The following RPL10A variants were observed in gnomAD, a reference collection of about 807,000 sequenced individuals.
The protein encoded by RPL10A is large ribosomal subunit protein uL1.
Under a neutral mutation model 24.6 loss-of-function variants are expected in RPL10A, and 11 were observed. That is an observed-to-expected ratio of 0.45 (90% confidence interval 0.28 to 0.74). The LOEUF (loss-of-function observed/expected upper bound fraction) is 0.74, where lower values mean the gene tolerates loss of function less well. Among genes scored for constraint, RPL10A ranks in the 30% least tolerant of loss-of-function variants. RPL10A has a pLI of 0.13. For missense variants in RPL10A, 136 were observed against 273.1 expected (o/e 0.50, Z 3.54); for synonymous variants, 98 against 108.5 (o/e 0.90, Z 0.60).
chr6:35,470,194 C>G lies in RPL10A; in HGVS notation c.326C>G (p.Ala109Gly). Residue 109 changes from alanine to glycine, a missense_variant, in exon 5 of 6, where the codon GCG becomes GGG. Ala to Gly is a moderately conservative substitution (Grantham distance 60). Around this residue, in one of 3 missense-constraint regions of RPL10A, gnomAD observed 88 missense variants for 149.2 expected, o/e 0.59. Transcript: ENST00000322203. The surrounding 1 kb of genome is among the most constrained non-coding windows in gnomAD (Gnocchi z 4.6). ...TCTCTATCAGCCAAGAAGTATGATGCGTTTTTGGCCTCAGAGTCTCTGATC... is the reference window on the plus strand; with the variant it reads ...TCTCTATCAGCCAAGAAGTATGATGGGTTTTTGGCCTCAGAGTCTCTGATC... ...LVKKLAKKYD[A>G]FLASESLIKQ... 1.2e-6 allele frequency: 2 copies of G among 1,613,138 alleles called. No individual in the cohort carries two copies. The highest frequency in any genetic ancestry group is 1.7e-6 in the Non-Finnish European group (2 of 1,179,538).
At chr6:35,468,919 G>A (rs777519797) in intron 2 of RPL10A, 28 bp from the exon 3 acceptor site, 1 of 1,613,770 alleles carries the variant, frequency 6.2e-7, no homozygotes, top group Non-Finnish European at 8.5e-7. Context: ...AGGGCCGGCG[G>A]GTGCTTAACC....
chr6:35,468,537 CA>C, intron 1 of RPL10A, 98 bp downstream of exon 1: 4 of 1,608,784 alleles, frequency 2.5e-6, no homozygotes, highest in Non-Finnish European at 3.4e-6. Flanking sequence ...ACCCTTGCGC[CA>C]CCTGCGCCGC....
At chr6:35,469,582 A>G (rs1379876696) in intron 4 of RPL10A, 53 bp downstream of exon 4, 3 of 1,564,362 alleles carry the variant, frequency 1.9e-6, no homozygotes, top group Non-Finnish European at 2.6e-6. Flanking sequence ...GGGGCGGTAG[A>G]AAGGCTTTTC....
At chr6:35,469,886 A>G (rs897475539) in intron 4 of RPL10A, among the ~76,000 whole-genome samples, 2 of 152,150 alleles carry the variant, frequency 1.3e-5, no homozygotes, top group African/African-American at 4.8e-5. Flanking sequence ...GCTAAGAAAT[A>G]GGCAGAATTC....
At chr6:35,469,128 T>C in intron 3 of RPL10A, 101 bp downstream of exon 3, 2 of 1,547,988 alleles carry the variant, frequency 1.3e-6, no homozygotes, top group Non-Finnish European at 1.7e-6. Flanking sequence ...GGTACTGATG[T>C]GCTAGGGTAG....
intron 4 of RPL10A, 118 bp downstream of exon 4, chr6:35,469,647 TGGTTGCCTA>T: frequency 8.1e-7 from 1 of 1,233,860 alleles, no homozygotes; most frequent in Non-Finnish European, 1.1e-6. Flanking sequence ...GGATCGGCGG[TGGTTGCCTA>T]GCTTGCCTGA....
Position 35,470,215 on chromosome 6 carries a change from T to C in RPL10A, c.347T>C (p.Leu116Pro). Residue 116 changes from leucine to proline, a missense_variant, in exon 5 of 6, where the codon CTG (leucine) becomes CCG (proline). By Grantham distance (98) the Leu-to-Pro change is moderately conservative (BLOSUM62 -3). Transcript: ENST00000322203. The surrounding 1 kb of genome is among the most constrained non-coding windows in gnomAD (Gnocchi z 4.6). ...KYDAFLASES[L>P]IKQIPRILGP... Reference sequence around the variant, plus strand: ...GATGCGTTTTTGGCCTCAGAGTCTCTGATCAAGCAGATTCCACGAATCCTC... The same window carrying C: ...GATGCGTTTTTGGCCTCAGAGTCTCCGATCAAGCAGATTCCACGAATCCTC... 1 of 1,613,484 alleles carries C rather than the reference T, an allele frequency of 6.2e-7. No individual in the cohort carries two copies. The highest frequency in any genetic ancestry group is 8.5e-7 in the Non-Finnish European group (1 of 1,179,842).
At chr6:35,469,978 A>G (rs1379723256) in intron 4 of RPL10A, among the ~76,000 whole-genome samples, 2 of 152,108 alleles carry the variant, frequency 1.3e-5, no homozygotes, top group Non-Finnish European at 2.9e-5. Flanking sequence ...TTCTGAGAGC[A>G]TGTTTTGGGA....
chr6:35,469,932 C>T (rs1394481075), intron 4 of RPL10A, among the ~76,000 whole-genome samples: 1 of 152,146 alleles, frequency 6.6e-6, no homozygotes, highest in Non-Finnish European at 1.5e-5. Context: ...ATCCGTTGTA[C>T]AGCGGTTATG....
At chr6:35,469,160 A>G (rs1283777473) in intron 3 of RPL10A, 133 bp downstream of exon 3, 5 of 1,479,216 alleles carry the variant, frequency 3.4e-6, no homozygotes, top group Non-Finnish European at 9.0e-7. Flanking sequence ...TGCTCCGGGC[A>G]GGCGCGGCTG....
intron 1 of RPL10A, 72 bp downstream of exon 1, chr6:35,468,511 G>A (rs1767912789): frequency 1.2e-6 from 2 of 1,610,826 alleles, no homozygotes; most frequent in Non-Finnish European, 1.7e-6. Context: ...TTCGGATCCT[G>A]TAGGCCGCGC....
In RPL10A at chr6:35,470,663, C is replaced by T. The variant is rs1061225; in HGVS notation, c.567C>T (p.Phe189=). The T allele has an allele frequency of 6.2e-7, 1 of 1,613,314 alleles. No homozygotes were observed. The highest frequency in any genetic ancestry group is 1.1e-5 in the South Asian group (1 of 91,080). The change falls in exon 6 of 6, where the codon TTC becomes TTT. Residue 189 remains phenylalanine (F), a synonymous_variant. Transcript: ENST00000322203. This position sits in a 1 kb window ranked among gnomAD's most constrained non-coding sequence, Gnocchi z 4.6. ...ATAACATTCACCTGGCTGTCAACTT[C>T]TTGGTGTCATTGCTCAAGAAAAACT... is the stretch of plus-strand genomic sequence containing the variant. ...LVYNIHLAVN[F]LVSLLKKNWQ...
At position 35,468,405 on chromosome 6, in the gene RPL10A, T is replaced by G. The variant is rs1554123134; in HGVS notation, c.-30T>G. On this transcript the variant is annotated 5_prime_UTR_variant, in exon 1 of 6. Transcript: ENST00000322203. ...AGCGCATGCGCAAGACATGCTAGTC[T>G]CTTTTCCGGTTAGCGCGGCGTGAGA... 19 of 1,614,064 alleles carry G rather than the reference T, an allele frequency of 1.2e-5. No individual in the cohort carries two copies. Among genetic ancestry groups the G allele is most frequent in the Non-Finnish European group, 1.5e-5 (18 of 1,179,936 alleles).
At position 35,469,537 on chromosome 6, in the gene RPL10A, C is replaced by T. The variant is rs764326257; in HGVS notation, c.310+8C>T. 2.5e-6 allele frequency: 4 copies of T among 1,610,886 alleles called. No individual in the cohort carries two copies. Among genetic ancestry groups the T allele is most frequent in the African/African-American group, 2.7e-5 (2 of 74,728 alleles). On this transcript the variant is annotated splice_region_variant and intron_variant, in intron 4 of 5. Transcript: ENST00000322203. ...AACTGGTCAAGAAGCTGGGTGAGTCCGGCCGCTGTGGTTTTGCATGTGAGA... is the reference window on the plus strand; with the variant it reads ...AACTGGTCAAGAAGCTGGGTGAGTCTGGCCGCTGTGGTTTTGCATGTGAGA...
chr6:35,470,466 C>A lies in RPL10A; in HGVS notation c.484-114C>A, dbSNP rs1343705607. On this transcript the variant is annotated intron_variant, in intron 5 of 5. Transcript: ENST00000322203. The surrounding 1 kb of genome is among the most constrained non-coding windows in gnomAD (Gnocchi z 4.6). ...ACCAGGATTGAAACTTTTGGAGTAA[C>A]CCTGGTCTTGGCCCGGGTCCAAGTA... 1 of 1,496,582 alleles carries A rather than the reference C, an allele frequency of 6.7e-7. No homozygotes were observed. Among genetic ancestry groups the A allele is most frequent in the Admixed American group, 1.9e-5 (1 of 53,834 alleles). The allele number at this position is 1,496,582 out of a possible 1,614,324, so 92.7% of individuals were successfully genotyped here.
chr6:35,469,670 C>A, intron 4 of RPL10A, 141 bp downstream of exon 4: 1 of 971,030 alleles, frequency 1.0e-6, no homozygotes, highest in Non-Finnish European at 1.5e-6. Flanking sequence ...TGCCTGAGTG[C>A]TGTTTTAGCT....
intron 1 of RPL10A, 29 bp downstream of exon 1, chr6:35,468,468 G>C (rs768743702): frequency 8.1e-6 from 13 of 1,613,754 alleles, no homozygotes; most frequent in Non-Finnish European, 1.0e-5. Flanking sequence ...CCCTATCCGC[G>C]TTCATCCGCG....
At chr6:35,469,097 T>A in intron 3 of RPL10A, 70 bp downstream of exon 3, 5 of 1,592,930 alleles carry the variant, frequency 3.1e-6, no homozygotes, top group Non-Finnish European at 4.3e-6. Context: ...AGGCTCCCGC[T>A]GAGCCGGAGG....
Position 35,468,837 on chromosome 6 carries a change from G to C in RPL10A, c.44G>C (p.Arg15Pro), listed in dbSNP as rs1437307044. ...VSRDTLYEAV[R>P]EVLHGNQRKR... ...CGCGACACCCTGTACGAGGCGGTGC[G>C]GGAAGTCCTGCACGGGAACCAGCGC... Residue 15 changes from arginine (R) to proline (P), a missense_variant, in exon 2 of 6, where the codon CGG becomes CCG. By Grantham distance (103) the Arg-to-Pro change is moderately radical. Transcript: ENST00000322203. 3 of 1,611,054 alleles carry C rather than the reference G, an allele frequency of 1.9e-6. No individual in the cohort carries two copies. The highest frequency in any genetic ancestry group is 1.3e-5 in the African/African-American group (1 of 74,870).
Sources: allele counts gnomAD v4.1 joint callset (sites outside exome capture counted in the v4.1 genomes callset), GRCh38; gene constraint gnomAD v4.1.1; regional missense constraint gnomAD v4.1.1; non-coding constraint Gnocchi (gnomAD v3.1); transcripts MANE v1.5; gene names NCBI Gene and HGNC (gene_info 2026-07-23, HGNC 2026-07-21).